Variants in STARD8 observed in about 807,000 individuals in gnomAD.
STARD8 encodes StAR related lipid transfer domain containing 8.
STARD8 carries 25 observed loss-of-function variants against 69.4 expected under a neutral mutation model. The ratio of observed to expected loss-of-function variants is 0.36; its 90% confidence interval spans 0.26 to 0.50. The LOEUF is 0.50. Ranked by LOEUF, STARD8 falls within the 20% of genes least tolerant of loss-of-function variation. The probability of loss-of-function intolerance (pLI) is 0.96; values close to 1 mark genes in which losing one functional copy is unlikely to be tolerated. For synonymous variants in STARD8, 389 were observed against 374.6 expected (o/e 1.04, Z -0.45); for missense variants, 921 against 932.5 (o/e 0.99, Z 0.16).
At chrX:68,659,376 G>A (rs977800681) in intron 1 of STARD8, among the ~76,000 whole-genome samples, 1 of 111,942 alleles carries the variant, frequency 8.9e-6, no homozygotes, top group African/African-American at 3.3e-5. Flanking sequence ...CTGTGGAAGT[G>A]AAAGGACAGT....
At chrX:68,658,928 T>C (rs1452373637) in intron 1 of STARD8, among the ~76,000 whole-genome samples, 4 of 112,477 alleles carry the variant, frequency 3.6e-5, no homozygotes, top group African/African-American at 1.3e-4. Flanking sequence ...ACTTGGGGAA[T>C]GGGAGTTGAG....
At chrX:68,695,531 A>G (rs2079913229) in intron 2 of STARD8, among the ~76,000 whole-genome samples, 1 of 110,945 alleles carries the variant, frequency 9.0e-6, no homozygotes, top group African/African-American at 3.3e-5. Context: ...CCCCTCCCCC[A>G]CCTAGAGAGG....
chrX:68,711,615 C>T (rs2080051704), intron 2 of STARD8, among the ~76,000 whole-genome samples: 1 of 112,029 alleles, frequency 8.9e-6, no homozygotes, highest in East Asian at 2.8e-4. Context: ...TTCTGACTTC[C>T]CCCACTCTTC....
intron 1 of STARD8, among the ~76,000 whole-genome samples, chrX:68,661,902 C>A: frequency 1.0e-5 from 1 of 97,252 alleles, no homozygotes; most frequent in South Asian, 5.4e-4. Context: ...TCCTTCCTTC[C>A]TTCCTTCCTT....
At chrX:68,689,073 G>A in intron 2 of STARD8, among the ~76,000 whole-genome samples, 1 of 101,537 alleles carries the variant, frequency 9.8e-6, no homozygotes, top group Non-Finnish European at 2.0e-5. Flanking sequence ...TCCTGTCCTC[G>A]CCTGTTGTGT....
chrX:68,668,161 CCTT>C (rs1398998050), intron 2 of STARD8, among the ~76,000 whole-genome samples: 2 of 93,884 alleles, frequency 2.1e-5, no homozygotes, highest in African/African-American at 4.0e-5. Context: ...TCTTCTTTCT[CCTT>C]CTCTTTCTCC....
chrX:68,691,111 A>ACACACACACACACG (rs911176321), intron 2 of STARD8, among the ~76,000 whole-genome samples: 1 of 110,677 alleles, frequency 9.0e-6, no homozygotes, highest in Non-Finnish European at 1.9e-5. Flanking sequence ...GGGCACAGAA[A>ACACACACACACACG]CACACACACA....
At chrX:68,707,395 CT>C (rs1024465972) in intron 2 of STARD8, among the ~76,000 whole-genome samples, 3 of 112,132 alleles carry the variant, frequency 2.7e-5, no homozygotes, top group African/African-American at 9.7e-5. Flanking sequence ...TAGAACAGGC[CT>C]GTGACTGGTC....
chrX:68,651,526 G>T (rs2079548057), intron 1 of STARD8, among the ~76,000 whole-genome samples: 1 of 112,000 alleles, frequency 8.9e-6, no homozygotes, highest in Non-Finnish European at 1.9e-5. Flanking sequence ...GGAGACTGAG[G>T]GGTTTGAGGG....
At position 68,716,460 on chromosome X, in the gene STARD8, G is replaced by A. The variant is rs952742779; in HGVS notation, c.297+29G>A. On this transcript the variant is annotated intron_variant, in intron 5 of 14. Coordinates refer to ENST00000374599, the MANE Select transcript of STARD8 (RefSeq NM_001142503.3). ...AGTCATGGCAAAGCGTGGGTCTGTG[G>A]TCTTGTGGTGCCATAAGGAAACCCA... The A allele has an allele frequency of 3.4e-5, 41 of 1,193,943 alleles. No individual in the cohort carries two copies. The East Asian group carries it at 1.2e-3, about 36-fold the overall frequency.
rs982323527 is a variant in STARD8, at chrX:68,704,178, T to C, written c.80-8736T>C. On this transcript the variant is annotated intron_variant, in intron 2 of 14. Coordinates refer to ENST00000374599, the MANE Select transcript of STARD8 (RefSeq NM_001142503.3). ...GGGATAGACTCACATGCTGCTGAGA[T>C]GATCATGGAAATGTGTTAGGGGACT... Among the ~76,000 whole-genome samples, 4 of 111,826 alleles carry C rather than the reference T, an allele frequency of 3.6e-5. No homozygotes were observed. The East Asian group carries it at 1.1e-3, about 31-fold the overall frequency.
intron 2 of STARD8, among the ~76,000 whole-genome samples, chrX:68,712,212 G>T (rs2080056721): frequency 9.0e-6 from 1 of 111,623 alleles, no homozygotes; most frequent in African/African-American, 3.3e-5. Flanking sequence ...ACACAAATAG[G>T]CCAAGAGGGC....
At chrX:68,649,292 G>T (rs2079533194) in intron 1 of STARD8, among the ~76,000 whole-genome samples, 1 of 111,395 alleles carries the variant, frequency 9.0e-6, no homozygotes, top group Non-Finnish European at 1.9e-5. Context: ...CTAGAGTTTG[G>T]AGGCAGTCAA....
chrX:68,689,298 G>GGC (rs1168986002), intron 2 of STARD8, among the ~76,000 whole-genome samples: 2 of 105,293 alleles, frequency 1.9e-5, no homozygotes, highest in South Asian at 9.2e-4. Context: ...CGAGGCGTTA[G>GGC]TGGGGTGCTC....
Position 68,647,751 on chromosome X carries a change from G to A in STARD8, c.-132G>A. ...TGCTCTCCGCCTCTCCCCTCGCGGGGCCGGCTCATGGAGCGCAGGGACCGG... is the reference window on the plus strand; with the variant it reads ...TGCTCTCCGCCTCTCCCCTCGCGGGACCGGCTCATGGAGCGCAGGGACCGG... On this transcript the variant is annotated 5_prime_UTR_variant, in exon 1 of 15. Coordinates refer to ENST00000374599, the MANE Select transcript of STARD8 (RefSeq NM_001142503.3). 2 of 842,162 alleles carry A rather than the reference G, an allele frequency of 2.4e-6. No homozygotes were observed. Among genetic ancestry groups the A allele is most frequent in the Non-Finnish European group, 3.3e-6 (2 of 612,723 alleles). 69.4% of individuals were successfully genotyped at this position (842,162 alleles called of 1,213,427 possible).
chrX:68,657,763 C>T (rs1189416238), intron 1 of STARD8, among the ~76,000 whole-genome samples: 2 of 109,552 alleles, frequency 1.8e-5, no homozygotes, highest in African/African-American at 6.7e-5. Context: ...TAACCCTTGC[C>T]CCATCAGCAC....
At chrX:68,676,607 C>G (rs1402928943) in intron 2 of STARD8, among the ~76,000 whole-genome samples, 2 of 111,639 alleles carry the variant, frequency 1.8e-5, no homozygotes, top group Non-Finnish European at 3.8e-5. Context: ...TGTTCCCTCC[C>G]ACTTTCAAAT....
At chrX:68,696,366 G>A (rs1181675112) in intron 2 of STARD8, among the ~76,000 whole-genome samples, 3 of 111,413 alleles carry the variant, frequency 2.7e-5, no homozygotes, top group Non-Finnish European at 5.6e-5. Flanking sequence ...GCATGCATTC[G>A]GGAAGGGTCC....
chrX:68,686,426 C>T (rs1017255506), intron 2 of STARD8, among the ~76,000 whole-genome samples: 3 of 112,835 alleles, frequency 2.7e-5, no homozygotes, highest in Admixed American at 1.8e-4. Flanking sequence ...TGGCACCGCG[C>T]GGCGCCCGCG....
Sources: gnomAD v4.1 joint callset for allele counts (sites outside exome capture counted in the v4.1 genomes callset) on GRCh38, gnomAD v4.1.1 for gene constraint, MANE v1.5 for transcripts, NCBI Gene and HGNC (gene_info 2026-07-23, HGNC 2026-07-21) for gene names.